Variants in VWC2 observed in about 807,000 individuals in gnomAD.
VWC2 encodes the protein brorin.
In VWC2, 14 loss-of-function variants were observed where a neutral mutation model predicts 29.8. That is an observed-to-expected ratio of 0.47 (90% CI 0.31 to 0.74). VWC2 has a LOEUF of 0.74. Ranked by LOEUF, VWC2 falls within the 30% of genes least tolerant of loss-of-function variation. The pLI, the probability that VWC2 is intolerant of heterozygous loss-of-function variation, is 0.05. For missense variants in VWC2, 457 were observed against 459.8 expected (o/e 0.99, Z 0.05); for synonymous variants, 213 against 199.0 (o/e 1.07, Z -0.59).
chr7:49,891,193 CAA>C (rs1329816169), intron 3 of VWC2, among the ~76,000 whole-genome samples: 1 of 151,814 alleles, frequency 6.6e-6, no homozygotes, highest in Non-Finnish European at 1.5e-5. Flanking sequence ...AAATTATAAC[CAA>C]AAAAATGCAG....
chr7:49,788,468 T>TGA (rs202016215), intron 2 of VWC2, among the ~76,000 whole-genome samples: 19 of 148,314 alleles, frequency 1.3e-4, no homozygotes, highest in African/African-American at 3.3e-4. Context: ...TGTGTGTGTG[T>TGA]GAGAGAGAGT....
chr7:49,841,593 A>G (rs113340745), intron 3 of VWC2, among the ~76,000 whole-genome samples: 110 of 152,312 alleles, frequency 7.2e-4, no homozygotes, highest in African/African-American at 2.6e-3. Flanking sequence ...AATGCTTTGG[A>G]CGTGGAGCTT....
chr7:49,897,218 C>A (rs572623818), intron 3 of VWC2, among the ~76,000 whole-genome samples: 18 of 152,138 alleles, frequency 1.2e-4, no homozygotes, highest in Non-Finnish European at 2.1e-4. Context: ...TTTAAAAACT[C>A]AAACTCAATA....
At chr7:49,907,105 T>C (rs1227247951) in intron 3 of VWC2, among the ~76,000 whole-genome samples, 1 of 152,072 alleles carries the variant, frequency 6.6e-6, no homozygotes, top group African/African-American at 2.4e-5. Context: ...GGACATGTTT[T>C]TAGGTGAAAA....
intron 3 of VWC2, among the ~76,000 whole-genome samples, chr7:49,809,402 G>A (rs73692993): frequency 0.024 from 3,631 of 152,010 alleles, 155 homozygotes; most frequent in African/African-American, 0.081. Context: ...AAAAGCTCAA[G>A]CCTACATATC....
chr7:49,843,868 A>C (rs1789856753), intron 3 of VWC2, among the ~76,000 whole-genome samples: 1 of 152,234 alleles, frequency 6.6e-6, no homozygotes, highest in Non-Finnish European at 1.5e-5. Flanking sequence ...ATGAATGGAA[A>C]AAAGAAGACC....
At chr7:49,844,130 C>A (rs997382381) in intron 3 of VWC2, among the ~76,000 whole-genome samples, 1 of 152,150 alleles carries the variant, frequency 6.6e-6, no homozygotes, top group Non-Finnish European at 1.5e-5. Context: ...GATGTTTCAC[C>A]TAAGGTGTGT....
chr7:49,875,369 CAAAAAAAAAA>C (rs71018432), intron 3 of VWC2, among the ~76,000 whole-genome samples: 9 of 19,016 alleles, frequency 4.7e-4, no homozygotes, highest in African/African-American at 1.3e-3. Context: ...GATTCTGACT[CAAAAAAAAAA>C]AAAAAAAAAA....
intron 3 of VWC2, among the ~76,000 whole-genome samples, chr7:49,854,447 A>G (rs1790332092): frequency 6.6e-6 from 1 of 151,974 alleles, no homozygotes. Context: ...TTTGATTTGC[A>G]TTTCTCTGAT....
chr7:49,794,763 G>A (rs6962332), intron 2 of VWC2, among the ~76,000 whole-genome samples: 4 of 151,944 alleles, frequency 2.6e-5, no homozygotes, highest in Admixed American at 6.5e-5. Context: ...AGTTCAGTTC[G>A]GCCAGTCTAG....
chr7:49,845,633 A>T (rs1789923293), intron 3 of VWC2, among the ~76,000 whole-genome samples: 1 of 152,206 alleles, frequency 6.6e-6, no homozygotes, highest in Non-Finnish European at 1.5e-5. Context: ...CAAATACAGA[A>T]ATTCCTAACT....
At position 49,864,872 on chromosome 7, in the gene VWC2, T is replaced by C. The variant is rs367764235; in HGVS notation, c.827-47162T>C. On this transcript the variant is annotated intron_variant, in intron 3 of 3. Transcript: ENST00000340652. ...TTCCTGCCATTTTTAAGTTGCCTTG[T>C]TCGTGATTCAGTGCTTGCTTTGTTG... Among the ~76,000 whole-genome samples the C allele has an allele frequency of 1.1e-4, 17 of 152,362 alleles. No individual in the cohort carries two copies. The East Asian group carries it at 3.1e-3, about 28-fold the overall frequency.
At chr7:49,835,014 C>T (rs1019274210) in intron 3 of VWC2, among the ~76,000 whole-genome samples, 1 of 152,182 alleles carries the variant, frequency 6.6e-6, no homozygotes, top group African/African-American at 2.4e-5. Flanking sequence ...GGACACAATT[C>T]CAAGTTGCCT....
At chr7:49,829,737 C>T (rs1163872844) in intron 3 of VWC2, among the ~76,000 whole-genome samples, 1 of 152,218 alleles carries the variant, frequency 6.6e-6, no homozygotes, top group Non-Finnish European at 1.5e-5. Flanking sequence ...TTATGCCTTT[C>T]TGCATTTAGT....
At chr7:49,901,769 A>G (rs968520026) in intron 3 of VWC2, among the ~76,000 whole-genome samples, 5 of 147,900 alleles carry the variant, frequency 3.4e-5, no homozygotes, top group East Asian at 3.9e-4. Context: ...TGAACTTAAT[A>G]TAAAGCAATG....
intron 3 of VWC2, among the ~76,000 whole-genome samples, chr7:49,830,881 G>T (rs1428555055): frequency 6.6e-6 from 1 of 152,162 alleles, no homozygotes; most frequent in East Asian, 1.9e-4. Flanking sequence ...GTATTCCATG[G>T]TGTATATGTG....
Position 49,855,040 on chromosome 7 carries a change from G to A in VWC2, c.826+52200G>A, listed in dbSNP as rs983428804. On this transcript the variant is annotated intron_variant, in intron 3 of 3. Coordinates refer to ENST00000340652, the MANE Select transcript of VWC2 (RefSeq NM_198570.5). The stretch of plus-strand genomic sequence containing the variant: ...TAGCCTGCCTCTTTGAGAGGGATGA[G>A]GAGTTCTCGGCTTCTATATTTGAAA... 7.9e-5 allele frequency among the ~76,000 whole-genome samples: 12 copies of A among 152,260 alleles called. No individual in the cohort carries two copies. The South Asian group carries it at 1.2e-3, about 16-fold the overall frequency.
intron 2 of VWC2, among the ~76,000 whole-genome samples, chr7:49,788,681 G>A (rs1211443328): frequency 1.0e-5 from 1 of 99,148 alleles, no homozygotes; most frequent in Non-Finnish European, 1.8e-5. Context: ...CTGTGAGTGT[G>A]GGTGTGTGAG....
At chr7:49,852,363 G>C (rs1468940207) in intron 3 of VWC2, among the ~76,000 whole-genome samples, 1 of 152,206 alleles carries the variant, frequency 6.6e-6, no homozygotes, top group South Asian at 2.1e-4. Flanking sequence ...GGCCTGGCAG[G>C]CATGAGCTGG....
Sources: allele counts gnomAD v4.1 joint callset (sites outside exome capture counted in the v4.1 genomes callset), GRCh38; gene constraint gnomAD v4.1.1; transcripts MANE v1.5; gene names NCBI Gene and HGNC (gene_info 2026-07-23, HGNC 2026-07-21).